Variants in CFAP97 observed in about 807,000 individuals in gnomAD.
CFAP97 encodes cilia- and flagella-associated protein 97.
A neutral mutation model predicts 43.1 loss-of-function variants in CFAP97; 36 were observed. That is an observed-to-expected ratio of 0.84 (90% CI 0.64 to 1.10). The LOEUF is 1.10. Among genes scored for constraint, CFAP97 ranks in the 50% least tolerant of loss-of-function variants. The pLI is 0.00. For missense variants in CFAP97, 657 were observed against 620.3 expected (o/e 1.06, Z -0.63); for synonymous variants, 228 against 225.7 (o/e 1.01, Z -0.09).
chr4:185,175,820 T>C lies in CFAP97; in HGVS notation c.1286A>G (p.Gln429Arg), dbSNP rs1735496910. The change falls in exon 3 of 5, where the codon CAG (glutamine) becomes CGG (arginine). Residue 429 changes from glutamine to arginine, a missense_variant. Physicochemically the swap from Gln to Arg is conservative, Grantham distance 43. Transcript: ENST00000458385. ...PKLYHSALNRQKEQQRIEREN... is the reference protein window; with the variant it reads ...PKLYHSALNRRKEQQRIEREN... ...TCTCTCAATCCTTTGTTGTTCCTTC[T>C]GTCTGTTGAGAGCACTGTGATATAA... 2 of 1,613,702 alleles carry C rather than the reference T, an allele frequency of 1.2e-6. No individual in the cohort carries two copies. Among genetic ancestry groups the C allele is most frequent in the African/African-American group, 1.3e-5 (1 of 74,932 alleles).
chr4:185,208,061 T>A (rs1737268058), upstream of CFAP97, among the ~76,000 whole-genome samples: 2 of 152,324 alleles, frequency 1.3e-5, no homozygotes, highest in Admixed American at 1.3e-4. Context: ...AATTAACAAC[T>A]ATTTTAGAGG....
upstream of CFAP97, among the ~76,000 whole-genome samples, chr4:185,206,628 C>T (rs1302896237): frequency 4.4e-5 from 6 of 135,222 alleles, no homozygotes; most frequent in African/African-American, 1.7e-4. Context: ...CATTGCACTC[C>T]AGCCTGGGTA....
chr4:185,175,718 C>T (rs1735488851), intron 3 of CFAP97, 68 bp downstream of exon 3: 1 of 1,467,930 alleles, frequency 6.8e-7, no homozygotes. Context: ...TTTAGGTTTC[C>T]TGTAAGCTGG....
chr4:185,210,151 A>ATCC (rs1278030518), upstream of CFAP97: 1 of 983,440 alleles, frequency 1.0e-6, no homozygotes, highest in Admixed American at 6.2e-5. The surrounding 1 kb of genome is among the most constrained non-coding windows in gnomAD (Gnocchi z 4.4). Flanking sequence ...CCTGCTGGGG[A>ATCC]TCCTGTTTGC....
At chr4:185,170,294 C>A in intron 3 of CFAP97, 1 of 651,778 alleles carries the variant, frequency 1.5e-6, no homozygotes, top group South Asian at 1.7e-5. Flanking sequence ...TGCAAGGAGC[C>A]AAGATCACGT....
At chr4:185,180,798 C>A (rs993814978) in intron 2 of CFAP97, among the ~76,000 whole-genome samples, 3 of 151,910 alleles carry the variant, frequency 2.0e-5, no homozygotes, top group African/African-American at 7.3e-5. Context: ...AAGATTTTCT[C>A]CAAAAGTTTG....
upstream of CFAP97, chr4:185,204,438 T>C (rs1737096902): frequency 6.6e-6 from 1 of 152,226 alleles, no homozygotes; most frequent in African/African-American, 2.4e-5. Context: ...GGTTTCAGAA[T>C]GGAAAGACCT....
upstream of CFAP97, among the ~76,000 whole-genome samples, chr4:185,206,555 A>G (rs1184599128): frequency 2.7e-5 from 4 of 146,328 alleles, no homozygotes; most frequent in African/African-American, 1.0e-4. Context: ...GCTACTCGGG[A>G]GGCTGAGGTA....
chr4:185,197,427 A>ATTT (rs200250759), intron 1 of CFAP97, among the ~76,000 whole-genome samples: 5 of 144,462 alleles, frequency 3.5e-5, no homozygotes, highest in African/African-American at 5.0e-5. Flanking sequence ...TTGTTTTTGA[A>ATTT]TTTTTTTTTT....
chr4:185,207,640 C>G (rs3108240), upstream of CFAP97: 89,198 of 152,030 alleles, frequency 0.59, 26,605 homozygotes, highest in Non-Finnish European at 0.66. Flanking sequence ...CATAGCGATT[C>G]AATGCACAAG....
chr4:185,190,614 T>C lies in CFAP97; in HGVS notation c.583A>G (p.Ser195Gly), dbSNP rs1353575018. The C allele has an allele frequency of 6.2e-7, 1 of 1,604,156 alleles. No homozygotes were observed. The highest frequency in any genetic ancestry group is 8.5e-7 in the Non-Finnish European group (1 of 1,174,900). Reference sequence around the variant, plus strand: ...GACGGAGACGAATCAGATAGATGGCTATCAGACCCTGCATCTAAACAATCT... The same window carrying C: ...GACGGAGACGAATCAGATAGATGGCCATCAGACCCTGCATCTAAACAATCT... ...GTDCLDAGSDSHLSDSSPSSK... is the reference protein window; with the variant it reads ...GTDCLDAGSDGHLSDSSPSSK... The change falls in exon 2 of 5, where the codon AGC (serine) becomes GGC (glycine). Residue 195 changes from serine (S) to glycine (G), a missense_variant. Physicochemically the swap from Ser to Gly is moderately conservative, Grantham distance 56 (BLOSUM62 0). Transcript: ENST00000458385.
At chr4:185,166,003 T>G (rs1204300103) in intron 3 of CFAP97, among the ~76,000 whole-genome samples, 1 of 152,134 alleles carries the variant, frequency 6.6e-6, no homozygotes, top group African/African-American at 2.4e-5. Context: ...GCAAAACACA[T>G]GAAGAACCGG....
At chr4:185,163,058 C>T in intron 4 of CFAP97, 133 bp from the exon 5 acceptor site, 1 of 698,718 alleles carries the variant, frequency 1.4e-6, no homozygotes, top group Non-Finnish European at 2.1e-6. Context: ...CTTCAGAATT[C>T]CCTGTGGAAG....
chr4:185,179,486 G>A (rs1735696592), intron 2 of CFAP97, among the ~76,000 whole-genome samples: 1 of 152,090 alleles, frequency 6.6e-6, no homozygotes, highest in South Asian at 2.1e-4. Context: ...AGGCAATGAG[G>A]TTTCTGCCTT....
At chr4:185,206,688 GA>G (rs1238365769), upstream of CFAP97, among the ~76,000 whole-genome samples, 1 of 131,134 alleles carries the variant, frequency 7.6e-6, no homozygotes, top group Non-Finnish European at 1.7e-5. Context: ...AAAAAGAATG[GA>G]AGATGTACTA....
intron 3 of CFAP97, among the ~76,000 whole-genome samples, chr4:185,167,856 C>G (rs1346178798): frequency 6.6e-6 from 1 of 151,134 alleles, no homozygotes; most frequent in Non-Finnish European, 1.5e-5. Flanking sequence ...AAAATTAGCC[C>G]AGTGTGGTGG....
intron 2 of CFAP97, among the ~76,000 whole-genome samples, chr4:185,188,804 G>A (rs990110627): frequency 2.0e-5 from 3 of 152,124 alleles, no homozygotes; most frequent in African/African-American, 4.8e-5. Flanking sequence ...GAGTCTGAAT[G>A]AGCATTTATT....
At chr4:185,201,823 C>A (rs1736844164) in intron 1 of CFAP97, among the ~76,000 whole-genome samples, 2 of 152,190 alleles carry the variant, frequency 1.3e-5, no homozygotes, top group Non-Finnish European at 1.5e-5. Flanking sequence ...AGAGGTCTAA[C>A]CCTCCACCTG....
chr4:185,165,171 G>T (rs1311476181), intron 3 of CFAP97, among the ~76,000 whole-genome samples: 1 of 152,140 alleles, frequency 6.6e-6, no homozygotes, highest in Admixed American at 6.5e-5. Flanking sequence ...ATGTAGCCTG[G>T]GCACAGTGGC....
Sources: gnomAD v4.1 joint callset for allele counts (sites outside exome capture counted in the v4.1 genomes callset) on GRCh38, gnomAD v4.1.1 for gene constraint, Gnocchi (gnomAD v3.1) non-coding constraint, MANE v1.5 for transcripts, NCBI Gene and HGNC (gene_info 2026-07-23, HGNC 2026-07-21) for gene names.